The following CEP112 variants were observed in gnomAD, a reference collection of about 807,000 sequenced individuals.
CEP112 encodes centrosomal protein 112, also known as centrosomal protein of 112 kDa.
A neutral mutation model predicts 153.0 loss-of-function variants in CEP112; 127 were observed. The observed-to-expected ratio is 0.83, with a 90% CI of 0.72 to 0.96. CEP112 has a LOEUF of 0.96. CEP112 is among the 40% of genes least tolerant of loss of function. The pLI, the probability that CEP112 is intolerant of heterozygous loss-of-function variation, is 0.00. For missense variants in CEP112, 1,089 were observed against 1,101.2 expected, an observed-to-expected ratio of 0.99 and a Z score of 0.16; for synonymous variants, 358 against 374.4, an observed-to-expected ratio of 0.96 and a Z score of 0.51.
intron 12 of CEP112, among the ~76,000 whole-genome samples, chr17:66,036,667 G>C (rs7224328): frequency 0.93 from 141,019 of 152,250 alleles, 65,544 homozygotes; most frequent in East Asian, 0.97. Context: ...CGTGGCCACA[G>C]TTGCCCTACT....
At chr17:65,726,708 T>C (rs1039734492) in intron 23 of CEP112, among the ~76,000 whole-genome samples, 6 of 152,170 alleles carry the variant, frequency 3.9e-5, no homozygotes, top group South Asian at 2.1e-4. Context: ...AATTAAGACA[T>C]CATCAAAAGA....
intron 23 of CEP112, among the ~76,000 whole-genome samples, chr17:65,726,439 A>G (rs1372025619): frequency 1.3e-5 from 2 of 152,162 alleles, no homozygotes; most frequent in Non-Finnish European, 2.9e-5. Context: ...GGAGGGAGAT[A>G]AGACCTTGAG....
intron 8 of CEP112, among the ~76,000 whole-genome samples, chr17:66,087,566 C>A (rs2067985425): frequency 6.6e-6 from 1 of 152,132 alleles, no homozygotes; most frequent in Non-Finnish European, 1.5e-5. Flanking sequence ...AAGCCTGAGT[C>A]TAATGTCAGC....
At chr17:65,996,963 CTTTGGGAGGCTGAAATG>C (rs1416568479) in intron 17 of CEP112, among the ~76,000 whole-genome samples, 1 of 152,110 alleles carries the variant, frequency 6.6e-6, no homozygotes, top group Non-Finnish European at 1.5e-5. Context: ...AATCCCAGCA[CTTTGGGAGGCTGAAATG>C]GGTGGCTTGC....
At chr17:65,954,783 C>T (rs540971531) in intron 18 of CEP112, among the ~76,000 whole-genome samples, 3 of 152,112 alleles carry the variant, frequency 2.0e-5, no homozygotes, top group East Asian at 3.9e-4. Context: ...AAAGACAAGG[C>T]TTTCAAATTA....
intron 17 of CEP112, among the ~76,000 whole-genome samples, chr17:66,000,344 C>CT (rs35031035): frequency 0.52 from 75,859 of 146,802 alleles, 20,263 homozygotes; most frequent in African/African-American, 0.59. Flanking sequence ...TGCTTTTTTG[C>CT]TTTTTTTTTT....
chr17:65,706,829 G>C (rs2144662418), intron 23 of CEP112, among the ~76,000 whole-genome samples: 1 of 152,254 alleles, frequency 6.6e-6, no homozygotes, highest in East Asian at 1.9e-4. Context: ...TACACTCATA[G>C]ATCTCTTCGT....
At chr17:65,673,397 G>T (rs182518975) in intron 24 of CEP112, among the ~76,000 whole-genome samples, 56 of 152,236 alleles carry the variant, frequency 3.7e-4, no homozygotes, top group Admixed American at 1.0e-3. Context: ...GGCCCTTAGT[G>T]GTCATGTGTC....
At chr17:65,990,891 G>C (rs1214646837) in intron 17 of CEP112, among the ~76,000 whole-genome samples, 1 of 152,220 alleles carries the variant, frequency 6.6e-6, no homozygotes, top group Non-Finnish European at 1.5e-5. Flanking sequence ...GGGAGAGGAG[G>C]AGAGCAGCGA....
chr17:66,160,712 A>G (rs1478034522), intron 4 of CEP112, among the ~76,000 whole-genome samples: 1 of 152,176 alleles, frequency 6.6e-6, no homozygotes, highest in Non-Finnish European at 1.5e-5. Flanking sequence ...AGATTTAAAC[A>G]TAAGACCTAA....
intron 20 of CEP112, among the ~76,000 whole-genome samples, chr17:65,863,422 G>A (rs2146414279): frequency 6.6e-6 from 1 of 152,262 alleles, no homozygotes; most frequent in East Asian, 1.9e-4. Flanking sequence ...TTTGAAGCAG[G>A]AGAATGGTGT....
intron 23 of CEP112, among the ~76,000 whole-genome samples, chr17:65,725,768 C>T (rs938975995): frequency 6.6e-6 from 1 of 152,084 alleles, no homozygotes; most frequent in Admixed American, 6.6e-5. Context: ...CCTGATAAAC[C>T]CATTAGATCT....
chr17:65,729,595 C>T (rs1250494021), intron 23 of CEP112, among the ~76,000 whole-genome samples: 2 of 152,054 alleles, frequency 1.3e-5, no homozygotes, highest in African/African-American at 4.8e-5. Flanking sequence ...TTAACAATGT[C>T]CAAGTAGTTT....
chr17:65,923,824 T>C (rs1268643887), intron 19 of CEP112, among the ~76,000 whole-genome samples: 4 of 152,194 alleles, frequency 2.6e-5, no homozygotes, highest in African/African-American at 4.8e-5. Flanking sequence ...TGTTTTAATT[T>C]TACTTCAATG....
At chr17:66,028,439 T>C (rs1273156061) in intron 14 of CEP112, 34 bp from the exon 15 acceptor site, 1 of 1,316,836 alleles carries the variant, frequency 7.6e-7, no homozygotes, top group Admixed American at 1.9e-5. Flanking sequence ...AAAAGCAGAA[T>C]ATTGATTTTT....
chr17:65,735,205 T>A (rs1431035789), intron 23 of CEP112, among the ~76,000 whole-genome samples: 1 of 152,212 alleles, frequency 6.6e-6, no homozygotes, highest in Non-Finnish European at 1.5e-5. Context: ...TATAGTCAGT[T>A]GTTATCCTTG....
At chr17:66,051,164 A>C (rs920390256) in intron 12 of CEP112, among the ~76,000 whole-genome samples, 1 of 149,158 alleles carries the variant, frequency 6.7e-6, no homozygotes, top group Non-Finnish European at 1.5e-5. Flanking sequence ...TTTTTTTAAG[A>C]GACATGGTCT....
chr17:65,666,472 C>G (rs886696684), intron 24 of CEP112, among the ~76,000 whole-genome samples: 3 of 152,136 alleles, frequency 2.0e-5, no homozygotes, highest in Non-Finnish European at 2.9e-5. Context: ...CTGGGTGAAG[C>G]CTTTGGTAAT....
chr17:65,841,237 T>C (rs548660788), intron 21 of CEP112, among the ~76,000 whole-genome samples: 226 of 152,044 alleles, frequency 1.5e-3, no homozygotes, highest in African/African-American at 5.3e-3. Context: ...AGCAAAGATA[T>C]GGAAACAACA....
Sources: gnomAD v4.1 joint callset for allele counts (sites outside exome capture counted in the v4.1 genomes callset) on GRCh38, gnomAD v4.1.1 for gene constraint, MANE v1.5 for transcripts, NCBI Gene and HGNC (gene_info 2026-07-23, HGNC 2026-07-21) for gene names.